The following PAK2 variants were observed in gnomAD, a reference collection of about 807,000 sequenced individuals.
PAK2 encodes p21 (RAC1) activated kinase 2.
Under a neutral mutation model 65.9 loss-of-function variants are expected in PAK2, and 21 were observed. The observed-to-expected ratio is 0.32, with a 90% CI of 0.23 to 0.46. PAK2 has a LOEUF of 0.46. Ranked by LOEUF, PAK2 falls within the 20% of genes least tolerant of loss-of-function variation. PAK2 has a pLI of 1.00. For synonymous variants in PAK2, 204 were observed against 219.7 expected, an observed-to-expected ratio of 0.93 and a Z score of 0.63; for missense variants, 324 against 642.6, an observed-to-expected ratio of 0.50 and a Z score of 5.36.
At chr3:196,815,023 C>G (rs932262643) in intron 11 of PAK2, among the ~76,000 whole-genome samples, 1 of 151,230 alleles carries the variant, frequency 6.6e-6, no homozygotes, top group Non-Finnish European at 1.5e-5. Context: ...ACTAAAAATA[C>G]AAAAAAATTA....
At chr3:196,745,487 A>G (rs1713345281) in intron 1 of PAK2, among the ~76,000 whole-genome samples, 1 of 152,056 alleles carries the variant, frequency 6.6e-6, no homozygotes, top group South Asian at 2.1e-4. Flanking sequence ...AAAGAGTTTT[A>G]AAATAGTTTT....
chr3:196,800,359 G>A (rs1715383471), intron 2 of PAK2, among the ~76,000 whole-genome samples: 1 of 152,108 alleles, frequency 6.6e-6, no homozygotes, highest in Admixed American at 6.6e-5. Flanking sequence ...TCCAGCCTGG[G>A]CGACAGAATG....
At chr3:196,760,880 CAGAT>C (rs1401957424) in intron 1 of PAK2, among the ~76,000 whole-genome samples, 1 of 152,100 alleles carries the variant, frequency 6.6e-6, no homozygotes, top group Non-Finnish European at 1.5e-5. Flanking sequence ...TAGATAGTGT[CAGAT>C]AGGTACAGAG....
At chr3:196,767,655 A>AT (rs1189970974) in intron 1 of PAK2, among the ~76,000 whole-genome samples, 1 of 151,560 alleles carries the variant, frequency 6.6e-6, no homozygotes, top group Non-Finnish European at 1.5e-5. Context: ...CGCCCAGCTA[A>AT]TTTTTTCTGT....
chr3:196,761,120 C>T lies in PAK2; in HGVS notation c.-22+20963C>T, dbSNP rs150423761. 3.5e-3 allele frequency among the ~76,000 whole-genome samples: 509 copies of T among 144,110 alleles called. 2 individuals carry two copies. The highest frequency in any genetic ancestry group is 0.015 in the South Asian group (66 of 4,540). 94.5% of individuals were successfully genotyped at this position (144,110 alleles called of 152,430 possible). A position where few individuals can be genotyped will look rare whatever the true frequency, so the allele number is the denominator to read the frequency against. ...GTGCATACCTGTAATCCCGGCTACT[C>T]GGTAAGGCTGAGGCAGGAGAACCGC... On this transcript the variant is annotated intron_variant, in intron 1 of 14. Coordinates refer to ENST00000327134, the MANE Select transcript of PAK2 (RefSeq NM_002577.4).
intron 1 of PAK2, among the ~76,000 whole-genome samples, chr3:196,778,260 T>C (rs1370587813): frequency 6.6e-6 from 1 of 152,230 alleles, no homozygotes; most frequent in East Asian, 1.9e-4. Flanking sequence ...TTCCATCTTA[T>C]GGATACACCA....
chr3:196,755,250 T>C (rs1713729591), intron 1 of PAK2, among the ~76,000 whole-genome samples: 1 of 152,152 alleles, frequency 6.6e-6, no homozygotes, highest in African/African-American at 2.4e-5. Flanking sequence ...AGATTTTACC[T>C]CAGATTGATA....
At chr3:196,815,872 T>C (rs1005733624) in intron 11 of PAK2, among the ~76,000 whole-genome samples, 1 of 152,130 alleles carries the variant, frequency 6.6e-6, no homozygotes, top group Non-Finnish European at 1.5e-5. Context: ...TTGCCTTCAG[T>C]ATCAATAAGT....
At chr3:196,796,177 GC>G (rs1715254931) in intron 2 of PAK2, among the ~76,000 whole-genome samples, 1 of 152,260 alleles carries the variant, frequency 6.6e-6, no homozygotes, top group South Asian at 2.1e-4. Context: ...CCAGTTTGTG[GC>G]CTGGGGGCTG....
intron 10 of PAK2, among the ~76,000 whole-genome samples, chr3:196,814,057 C>T (rs899897487): frequency 2.6e-5 from 4 of 152,158 alleles, no homozygotes; most frequent in East Asian, 1.9e-4. Flanking sequence ...GCTTCGGAAT[C>T]GTTGATCCTT....
intron 1 of PAK2, among the ~76,000 whole-genome samples, chr3:196,766,253 G>A (rs1173958226): frequency 1.3e-5 from 2 of 152,048 alleles, no homozygotes; most frequent in African/African-American, 4.8e-5. Flanking sequence ...TTCTCACAAA[G>A]AGTAGAGTTC....
At chr3:196,764,084 G>GA (rs1310671682) in intron 1 of PAK2, among the ~76,000 whole-genome samples, 2 of 151,694 alleles carry the variant, frequency 1.3e-5, no homozygotes, top group Non-Finnish European at 1.5e-5. Flanking sequence ...TTACAGGCGT[G>GA]AGCCACCGCG....
At chr3:196,778,207 T>C (rs1714596693) in intron 1 of PAK2, among the ~76,000 whole-genome samples, 1 of 152,246 alleles carries the variant, frequency 6.6e-6, no homozygotes, top group South Asian at 2.1e-4. Context: ...GGGTCATCCA[T>C]GTTGCAGCGT....
In PAK2 at chr3:196,831,986, T is replaced by G. The variant is rs764936201; in HGVS notation, c.*3581T>G. 2 of 152,102 alleles carry G rather than the reference T, an allele frequency of 1.3e-5. No homozygotes were observed. The highest frequency in any genetic ancestry group is 2.9e-5 in the Non-Finnish European group (2 of 68,010). 9.4% of individuals were successfully genotyped at this position (152,102 alleles called of 1,614,324 possible). On this transcript the variant is annotated 3_prime_UTR_variant, in exon 15 of 15. Transcript: ENST00000327134. Reference sequence around the variant, plus strand: ...GATAGTGTGTGTATATAAGAAAAAATAGATACACACATTCTTTTTTCTCAG... The same window carrying G: ...GATAGTGTGTGTATATAAGAAAAAAGAGATACACACATTCTTTTTTCTCAG...
intron 2 of PAK2, among the ~76,000 whole-genome samples, chr3:196,798,214 G>T (rs908109316): frequency 4.6e-5 from 7 of 152,172 alleles, no homozygotes; most frequent in Non-Finnish European, 7.3e-5. Context: ...TAGCCAGACT[G>T]ACAGGGGGCA....
At chr3:196,762,143 C>G (rs138238008) in intron 1 of PAK2, among the ~76,000 whole-genome samples, 52,302 of 83,918 alleles carry the variant, frequency 0.62, 18,189 homozygotes, top group East Asian at 0.67. Context: ...ACGATGGGCG[C>G]CCGGGCAGAG....
chr3:196,785,531 T>C lies in PAK2; in HGVS notation c.187+2698T>C, dbSNP rs149847331. On this transcript the variant is annotated intron_variant, in intron 2 of 14. Coordinates refer to ENST00000327134, the MANE Select transcript of PAK2 (RefSeq NM_002577.4). ...TAGCTCATTGTGTTTTAAATTGGCC[T>C]TTCCCTGATTACTCAAAAAACTGAG... Among the ~76,000 whole-genome samples the C allele has an allele frequency of 7.4e-3, 1,125 of 152,290 alleles. 13 individuals carry two copies. The highest frequency in any genetic ancestry group is 0.026 in the African/African-American group (1,072 of 41,566).
chr3:196,758,222 A>G (rs564923547), intron 1 of PAK2, among the ~76,000 whole-genome samples: 1 of 152,382 alleles, frequency 6.6e-6, no homozygotes, highest in East Asian at 1.9e-4. Context: ...GAAGACAGAC[A>G]TTAAAAGAAG....
chr3:196,821,230 G>A (rs1023903641), intron 13 of PAK2, among the ~76,000 whole-genome samples: 4 of 152,000 alleles, frequency 2.6e-5, no homozygotes, highest in Non-Finnish European at 5.9e-5. Flanking sequence ...CAGAGGCTGA[G>A]GCAAGAGAAT....
Sources: gnomAD v4.1 joint callset for allele counts (sites outside exome capture counted in the v4.1 genomes callset) on GRCh38, gnomAD v4.1.1 for gene constraint, MANE v1.5 for transcripts, NCBI Gene and HGNC (gene_info 2026-07-23, HGNC 2026-07-21) for gene names.